Variants in PCDHA6 observed in about 807,000 individuals in gnomAD.
The protein encoded by PCDHA6 is protocadherin alpha 6.
A neutral mutation model predicts 60.3 loss-of-function variants in PCDHA6; 55 were observed. The observed-to-expected ratio is 0.91, with a 90% confidence interval of 0.73 to 1.14. The LOEUF is 1.14. PCDHA6 is among the 50% of genes most tolerant of loss of function. The probability of loss-of-function intolerance (pLI) is 0.00; values close to 1 mark genes in which losing one functional copy is unlikely to be tolerated. For missense variants in PCDHA6, 1,327 were observed against 1,256.5 expected, an observed-to-expected ratio of 1.06 and a Z score of -0.85; for synonymous variants, 652 against 557.9, an observed-to-expected ratio of 1.17 and a Z score of -2.38.
At chr5:140,968,776 A>C in intron 1 of PCDHA6, 1 of 1,614,200 alleles carries the variant, frequency 6.2e-7, no homozygotes, top group Non-Finnish European at 8.5e-7. Flanking sequence ...AGCCATCACT[A>C]TCAGCCTCTG....
chr5:140,981,917 A>G (rs1465971302), intron 2 of PCDHA6, among the ~76,000 whole-genome samples: 1 of 152,218 alleles, frequency 6.6e-6, no homozygotes, highest in Non-Finnish European at 1.5e-5. Flanking sequence ...GTGGTGATCA[A>G]GTTTCTCTAG....
rs782098088 is a variant in PCDHA6, at chr5:140,856,583, CT to C, written c.2394+26100del. On this transcript the variant is annotated intron_variant, in intron 1 of 3. Transcript: ENST00000529310. Reference sequence around the variant, plus strand: ...ACTCAGTCCAAATGAGTATTTTGTTCTTGATATTATAAACAAAAAAGACAAA... The same window carrying C: ...ACTCAGTCCAAATGAGTATTTTGTTCTGATATTATAAACAAAAAAGACAAA... The C allele has an allele frequency of 1.3e-6, 2 of 1,597,002 alleles. 1 individual carries two copies. Among genetic ancestry groups the C allele is most frequent in the African/African-American group, 2.7e-5 (2 of 74,388 alleles).
chr5:140,895,687 T>G (rs1417809630), intron 1 of PCDHA6, among the ~76,000 whole-genome samples: 2 of 152,184 alleles, frequency 1.3e-5, no homozygotes, highest in African/African-American at 4.8e-5. Flanking sequence ...GTTTTCTGTT[T>G]CTATATTAAT....
intron 1 of PCDHA6, among the ~76,000 whole-genome samples, chr5:140,923,613 G>GT (rs2081443569): frequency 6.6e-6 from 1 of 152,146 alleles, no homozygotes; most frequent in South Asian, 2.1e-4. Context: ...TGTTTATCTG[G>GT]TCATCTTATC....
At chr5:140,875,878 A>C (rs782804026) in intron 1 of PCDHA6, 2 of 1,614,212 alleles carry the variant, frequency 1.2e-6, no homozygotes, top group East Asian at 4.5e-5. Context: ...GTTCAGAGAA[A>C]GGGAACAAAA....
chr5:140,967,057 AGC>A, intron 1 of PCDHA6: 1 of 1,612,704 alleles, frequency 6.2e-7, no homozygotes, highest in Non-Finnish European at 8.5e-7. Context: ...TGACGAGTGG[AGC>A]GCTCTTCGTC....
intron 1 of PCDHA6, chr5:140,851,289 A>G (rs987859417): frequency 9.6e-7 from 1 of 1,037,038 alleles, no homozygotes; most frequent in South Asian, 4.4e-5. Flanking sequence ...AAGAAACCCA[A>G]GCAAAAATAT....
At chr5:140,913,706 C>A (rs1431880255) in intron 1 of PCDHA6, among the ~76,000 whole-genome samples, 4 of 152,054 alleles carry the variant, frequency 2.6e-5, no homozygotes, top group Non-Finnish European at 5.9e-5. Context: ...CCAATGTAGG[C>A]AATTACAGCT....
At position 140,870,131 on chromosome 5, in the gene PCDHA6, A is replaced by G. The variant is rs782486118; in HGVS notation, c.2394+39646A>G. The G allele has an allele frequency of 2.6e-5, 42 of 1,613,870 alleles. No individual in the cohort carries two copies. In the Admixed American group the frequency reaches 4.2e-4, roughly 16 times the overall value. On this transcript the variant is annotated intron_variant, in intron 1 of 3. Coordinates refer to ENST00000529310, the MANE Select transcript of PCDHA6 (RefSeq NM_018909.4). Reference sequence around the variant, plus strand: ...GTCTGGGTGGAAATCTTGGACACCAACGATAACTCTCCTGAAGTCGCCGTG... The same window carrying G: ...GTCTGGGTGGAAATCTTGGACACCAGCGATAACTCTCCTGAAGTCGCCGTG...
At chr5:140,965,128 A>G (rs2095876420) in intron 1 of PCDHA6, among the ~76,000 whole-genome samples, 1 of 152,244 alleles carries the variant, frequency 6.6e-6, no homozygotes, top group African/African-American at 2.4e-5. Flanking sequence ...AGATCTACAG[A>G]TGACAGAATA....
At chr5:140,853,130 C>T in intron 1 of PCDHA6, 1 of 617,250 alleles carries the variant, frequency 1.6e-6, no homozygotes, top group Non-Finnish European at 2.1e-6. Context: ...CCTCCCGCCT[C>T]AGCCTCCCAA....
At position 140,859,292 on chromosome 5, in the gene PCDHA6, CT is replaced by C. The variant is rs1226140670; in HGVS notation, c.2394+28810del. 1.3e-3 allele frequency: 281 copies of C among 215,310 alleles called. 12 individuals are homozygous for C. Among genetic ancestry groups the C allele is most frequent in the African/African-American group, 6.4e-3 (274 of 42,824 alleles). 13.3% of individuals were successfully genotyped at this position (215,310 alleles called of 1,614,324 possible). A position where few individuals can be genotyped will look rare whatever the true frequency, so the allele number is the denominator to read the frequency against. ...CTTTTTACTTTTGAGACTGAAAATA[CT>C]TTAGTATGAATTAATATTAAAAGTT... On this transcript the variant is annotated intron_variant, in intron 1 of 3. Transcript: ENST00000529310.
intron 1 of PCDHA6, chr5:140,857,011 T>C (rs2044320012): frequency 1.3e-6 from 2 of 1,596,036 alleles, no homozygotes; most frequent in Admixed American, 1.7e-5. Flanking sequence ...ATGTAGATGT[T>C]ACAGATAAGG....
intron 1 of PCDHA6, chr5:140,926,762 C>T: frequency 7.5e-7 from 1 of 1,326,672 alleles, no homozygotes; most frequent in Non-Finnish European, 9.8e-7. Context: ...CGCTGAGTAT[C>T]CAGCCCGCAG....
chr5:140,833,845 A>G (rs2150211718), intron 1 of PCDHA6, among the ~76,000 whole-genome samples: 239 of 152,320 alleles, frequency 1.6e-3, no homozygotes, highest in African/African-American at 5.6e-3. Flanking sequence ...GATTTTTCTT[A>G]ACAAGCGATA....
intron 1 of PCDHA6, among the ~76,000 whole-genome samples, chr5:140,837,886 C>T (rs1466183059): frequency 6.6e-6 from 1 of 151,430 alleles, no homozygotes; most frequent in East Asian, 1.9e-4. Context: ...GTCTTGTTTC[C>T]CAGGCTGGTC....
At chr5:140,887,757 C>T (rs1303665192) in intron 1 of PCDHA6, among the ~76,000 whole-genome samples, 16 of 152,166 alleles carry the variant, frequency 1.1e-4, no homozygotes, top group Admixed American at 9.8e-4. Flanking sequence ...TCCAGTAACA[C>T]ATATGTTACA....
At chr5:140,852,582 AT>A (rs2150518947) in intron 1 of PCDHA6, 40,508 of 639,920 alleles carry the variant, frequency 0.063, 8 homozygotes, top group South Asian at 0.073. Flanking sequence ...AGGCTTTTTT[AT>A]TTTTTTTTTT....
chr5:141,006,568 T>C (rs2098278532), intron 3 of PCDHA6, among the ~76,000 whole-genome samples: 1 of 152,110 alleles, frequency 6.6e-6, no homozygotes, highest in Non-Finnish European at 1.5e-5. Flanking sequence ...CTCTGGCTAC[T>C]GTGTGGAGGG....
Sources: allele counts gnomAD v4.1 joint callset (sites outside exome capture counted in the v4.1 genomes callset), GRCh38; gene constraint gnomAD v4.1.1; transcripts MANE v1.5; gene names NCBI Gene and HGNC (gene_info 2026-07-23, HGNC 2026-07-21).